SLC18A2: variants seen among roughly 807,000 people sequenced by gnomAD.
SLC18A2 encodes synaptic vesicular amine transporter.
Under a neutral mutation model 59.2 loss-of-function variants are expected in SLC18A2, and 33 were observed. The ratio of observed to expected loss-of-function variants is 0.56; its 90% confidence interval spans 0.42 to 0.75. The LOEUF is 0.75. SLC18A2 is among the 30% of genes least tolerant of loss of function. The probability of loss-of-function intolerance (pLI) is 0.00; values close to 1 mark genes in which losing one functional copy is unlikely to be tolerated. For synonymous variants in SLC18A2, 228 were observed against 253.5 expected (o/e 0.90, Z 0.95); for missense variants, 569 against 668.6 (o/e 0.85, Z 1.64).
chr10:117,244,189 C>A lies in SLC18A2; in HGVS notation c.340C>A (p.Pro114Thr). 6.2e-7 allele frequency: 1 copy of A among 1,614,214 alleles called. No homozygotes were observed. Among genetic ancestry groups the A allele is most frequent in the Non-Finnish European group, 8.5e-7 (1 of 1,180,040 alleles). The change falls in exon 3 of 16, where the codon CCT becomes ACT. Residue 114 changes from proline (P) to threonine (T), a missense_variant. By Grantham distance (38) the Pro-to-Thr change is conservative. Transcript: ENST00000644641. ...QHMVTNASAVPSDCPSEDKDL... is the reference protein window; with the variant it reads ...QHMVTNASAVTSDCPSEDKDL... ...CATGGTGACCAACGCGTCCGCTGTT[C>A]CTTCCGACTGTCCCAGTGAAGACAA...
In SLC18A2 at chr10:117,269,005, TACAC is replaced by T. The variant is rs958378642; in HGVS notation, c.1187-1061_1187-1058del. 1.6e-4 allele frequency among the ~76,000 whole-genome samples: 20 copies of T among 127,980 alleles called. No individual in the cohort carries two copies. Among genetic ancestry groups the T allele is most frequent in the African/African-American group, 2.5e-4 (9 of 35,434 alleles). The allele number at this position is 127,980 out of a possible 152,430, so 84.0% of individuals were successfully genotyped here. A position where few individuals can be genotyped will look rare whatever the true frequency, so the allele number is the denominator to read the frequency against. On this transcript the variant is annotated intron_variant, in intron 13 of 15. Transcript: ENST00000644641. The surrounding 1 kb of genome is among the most constrained non-coding windows in gnomAD (Gnocchi z 5.1). The stretch of plus-strand genomic sequence containing the variant: ...ACACATTCATACACACAAACACACA[TACAC>T]ACACTGACACACGCATACACACACA...
Position 117,254,455 on chromosome 10 carries a change from G to C in SLC18A2, c.658G>C (p.Val220Leu). Residue 220 changes from valine to leucine, a missense_variant, in exon 6 of 16, where the codon GTC becomes CTC. Around this residue, in one of 2 missense-constraint regions of SLC18A2, gnomAD observed 377 missense variants for 389.8 expected, o/e 0.97. Coordinates refer to ENST00000644641, the MANE Select transcript of SLC18A2 (RefSeq NM_003054.6). The part of the protein sequence containing the change: ...VYTDDEERGN[V>L]MGIALGGLAM... Reference sequence around the variant, plus strand: ...CACAGATGATGAAGAGAGAGGCAACGTCATGGGAATCGCCTTGGGAGGCCT... The same window carrying C: ...CACAGATGATGAAGAGAGAGGCAACCTCATGGGAATCGCCTTGGGAGGCCT... 6.2e-7 allele frequency: 1 copy of C among 1,610,394 alleles called. No homozygotes were observed. The highest frequency in any genetic ancestry group is 8.5e-7 in the Non-Finnish European group (1 of 1,177,974).
At position 117,277,848 on chromosome 10, in the gene SLC18A2, T is replaced by G. The variant is rs1844521680; in HGVS notation, c.*582T>G. ...TTGTGTCAGTTATCTTTTGAATCCA[T>G]AAATCTTAGCTGGCATTAGTTTTCT... On this transcript the variant is annotated 3_prime_UTR_variant, in exon 16 of 16. Transcript: ENST00000644641. 1 of 152,242 alleles carries G rather than the reference T, an allele frequency of 6.6e-6. No individual in the cohort carries two copies. Among genetic ancestry groups the G allele is most frequent in the South Asian group, 2.1e-4 (1 of 4,834 alleles). 9.4% of individuals were successfully genotyped at this position (152,242 alleles called of 1,614,324 possible).
At chr10:117,264,030 A>G (rs751948504) in intron 10 of SLC18A2, among the ~76,000 whole-genome samples, 4 of 152,020 alleles carry the variant, frequency 2.6e-5, no homozygotes, top group Non-Finnish European at 5.9e-5. Context: ...CTTGGAGGAA[A>G]CCCAAGGTCT....
At position 117,270,415 on chromosome 10, in the gene SLC18A2, C is replaced by T; in HGVS notation, c.1392C>T (p.Ala464=). ...TTGGGATAATTGATATTCTTTTTGC[C>T]CCTCTCTGCTTTTTTCTTCGAAGTC... is the stretch of plus-strand genomic sequence containing the variant. ...TIIGIIDILF[A]PLCFFLRSPP... Residue 464 remains alanine (A), a synonymous_variant, in exon 15 of 16, where the codon GCC becomes GCT. Transcript: ENST00000644641. 1.2e-6 allele frequency: 2 copies of T among 1,613,868 alleles called. No homozygotes were observed. The highest frequency in any genetic ancestry group is 1.7e-6 in the Non-Finnish European group (2 of 1,179,946).
In SLC18A2 at chr10:117,269,961, A is replaced by C; in HGVS notation, c.1187-110A>C. The C allele has an allele frequency of 7.5e-7, 1 of 1,332,194 alleles. No homozygotes were observed. 82.5% of individuals were successfully genotyped at this position (1,332,194 alleles called of 1,614,324 possible). ...CCCAAGACTTGCAGGTGGTGATGAC[A>C]GAAGGGGAAGAGCTGGCAGGGTGGT... On this transcript the variant is annotated intron_variant, in intron 13 of 15. Transcript: ENST00000644641. This position sits in a 1 kb window ranked among gnomAD's most constrained non-coding sequence, Gnocchi z 5.1.
chr10:117,242,511 T>A (rs1486627935), intron 2 of SLC18A2, among the ~76,000 whole-genome samples: 1 of 152,114 alleles, frequency 6.6e-6, no homozygotes, highest in Non-Finnish European at 1.5e-5. Flanking sequence ...TGGTGGGAGC[T>A]GTTTCCTTTC....
chr10:117,261,284 G>A (rs954354092), intron 10 of SLC18A2, among the ~76,000 whole-genome samples: 6 of 152,154 alleles, frequency 3.9e-5, no homozygotes, highest in Admixed American at 1.3e-4. Context: ...TGAAGTCCCA[G>A]CTACTCGGGA....
intron 3 of SLC18A2, 138 bp from the exon 4 acceptor site, chr10:117,253,261 C>A: frequency 3.0e-6 from 2 of 674,980 alleles, no homozygotes; most frequent in Non-Finnish European, 5.4e-6. Context: ...ATAGGAAGCA[C>A]TGAGTATATG....
rs1291925635 is a variant in SLC18A2, at chr10:117,255,227, G to A, written c.701-50G>A. 3.3e-6 allele frequency: 5 copies of A among 1,509,668 alleles called. No individual in the cohort carries two copies. In the East Asian group the frequency reaches 6.8e-5, roughly 20 times the overall value. The allele number at this position is 1,509,668 out of a possible 1,614,324, so 93.5% of individuals were successfully genotyped here. ...AGTCAAATAGATGGTTCTAGTACAG[G>A]GAGAGGGCATGTGTCCCAGGGGTGG... On this transcript the variant is annotated intron_variant, in intron 6 of 15. Transcript: ENST00000644641.
At chr10:117,257,746 G>A (rs771622680) in intron 9 of SLC18A2, 51 bp from the exon 10 acceptor site, 1 of 1,253,746 alleles carries the variant, frequency 8.0e-7, no homozygotes. Context: ...ACTGTGCCTG[G>A]AAATGAGAGA....
intron 1 of SLC18A2, 153 bp from the exon 2 acceptor site, chr10:117,241,526 C>G: frequency 1.3e-6 from 1 of 787,026 alleles, no homozygotes; most frequent in Non-Finnish European, 1.8e-6. Context: ...CGTGGGGACG[C>G]GCTCGAGGCA....
chr10:117,245,950 T>C lies in SLC18A2; in HGVS notation c.464+1637T>C, dbSNP rs375998643. 2.0e-5 allele frequency among the ~76,000 whole-genome samples: 3 copies of C among 148,946 alleles called. No homozygotes were observed. In the East Asian group the frequency reaches 5.8e-4, roughly 29 times the overall value. The stretch of plus-strand genomic sequence containing the variant: ...GTGCAGAGCAATATTCTAAGGCTGC[T>C]ACATAAAACATGCTAAGCAAATTAA... On this transcript the variant is annotated intron_variant, in intron 3 of 15. Coordinates refer to ENST00000644641, the MANE Select transcript of SLC18A2 (RefSeq NM_003054.6).
At chr10:117,265,350 C>T (rs1435596568) in intron 10 of SLC18A2, among the ~76,000 whole-genome samples, 1 of 152,080 alleles carries the variant, frequency 6.6e-6, no homozygotes, top group African/African-American at 2.4e-5. Context: ...TGGCCAGCTG[C>T]TGGGATGAGA....
chr10:117,252,134 ATTTTTTTTTTTTTTTTTTTTTTTT>A (rs57101171), intron 3 of SLC18A2, among the ~76,000 whole-genome samples: 1 of 44,348 alleles, frequency 2.3e-5, no homozygotes, highest in Non-Finnish European at 4.4e-5. Flanking sequence ...CATTTTTTGT[ATTTTTTTTTTTTTTTTTTTTTTTT>A]TTTTTAGTAC....
At chr10:117,265,331 G>A (rs1484809195) in intron 10 of SLC18A2, among the ~76,000 whole-genome samples, 3 of 152,192 alleles carry the variant, frequency 2.0e-5, no homozygotes, top group Admixed American at 6.5e-5. Context: ...ACACTTGCCC[G>A]TGAGTGTGTG....
chr10:117,247,422 G>A (rs1187876922), intron 3 of SLC18A2, among the ~76,000 whole-genome samples: 1 of 152,198 alleles, frequency 6.6e-6, no homozygotes, highest in Admixed American at 6.5e-5. Context: ...ACAGTGGCAG[G>A]ACTGTAGCCA....
rs1589981252 is a variant in SLC18A2 at position 117,258,028 on chromosome 10, T to C, written c.991+136T>C. 3 of 583,272 alleles carry C rather than the reference T, an allele frequency of 5.1e-6. No homozygotes were observed. In the East Asian group the frequency reaches 8.7e-5, roughly 17 times the overall value. The allele number at this position is 583,272 out of a possible 1,614,324, so 36.1% of individuals were successfully genotyped here. On this transcript the variant is annotated intron_variant, in intron 10 of 15. Transcript: ENST00000644641. ...TTCTGTTTGACTCTTAATGGGGTCA[T>C]TGCTTAGGGCAGCCTTGGGGTCTGT...
At position 117,241,669 on chromosome 10, in the gene SLC18A2, G is replaced by T. The variant is rs1844055252; in HGVS notation, c.-15-10G>T. The T allele has an allele frequency of 1.3e-6, 2 of 1,555,732 alleles. No individual in the cohort carries two copies. Among genetic ancestry groups the T allele is most frequent in the Admixed American group, 1.9e-5 (1 of 51,938 alleles). ...CCGCCTTGGGTCCTCACCGCGCACC[G>T]CGCCCGCAGCGGAGCCCCGGAGCCA... On this transcript the variant is annotated splice_polypyrimidine_tract_variant and intron_variant, in intron 1 of 15. Coordinates refer to ENST00000644641, the MANE Select transcript of SLC18A2 (RefSeq NM_003054.6).
Sources: gnomAD v4.1 joint callset for allele counts (sites outside exome capture counted in the v4.1 genomes callset) on GRCh38, gnomAD v4.1.1 for gene constraint, gnomAD v4.1.1 regional missense constraint, Gnocchi (gnomAD v3.1) non-coding constraint, MANE v1.5 for transcripts, NCBI Gene and HGNC (gene_info 2026-07-23, HGNC 2026-07-21) for gene names.